Variants in PSAP observed in about 807,000 individuals in gnomAD.
PSAP encodes precursor of saposins.
A neutral mutation model predicts 66.0 loss-of-function variants in PSAP; 25 were observed. The ratio of observed to expected loss-of-function variants is 0.38; its 90% CI spans 0.28 to 0.53. PSAP has a LOEUF of 0.53. PSAP is among the 20% of genes least tolerant of loss of function. The pLI, the probability that PSAP is intolerant of heterozygous loss-of-function variation, is 0.83. For synonymous variants in PSAP, 273 were observed against 258.9 expected, an observed-to-expected ratio of 1.05 and a Z score of -0.52; for missense variants, 649 against 668.8, an observed-to-expected ratio of 0.97 and a Z score of 0.33.
At chr10:71,832,430 C>T (rs1564821577) in intron 2 of PSAP, among the ~76,000 whole-genome samples, 2 of 152,188 alleles carry the variant, frequency 1.3e-5, no homozygotes, top group Admixed American at 6.5e-5. Flanking sequence ...GACCAGAGGC[C>T]ATGGAAATTC....
chr10:71,834,383 T>G lies in PSAP; in HGVS notation c.163A>C (p.Lys55Gln). The G allele has an allele frequency of 6.2e-7, 1 of 1,613,862 alleles. No homozygotes were observed. Among genetic ancestry groups the G allele is most frequent in the Non-Finnish European group, 8.5e-7 (1 of 1,180,026 alleles). The change falls in exon 2 of 14, where the codon AAG becomes CAG. Residue 55 changes from lysine to glutamine, a missense_variant. Coordinates refer to ENST00000394936, the MANE Select transcript of PSAP (RefSeq NM_002778.4). ...GCAGCGGCACTCACCACTGTTGGCT[T>G]GTTCCAAACGGTCTGCAGGCAGTGC... ...VKHCLQTVWNKPTVKSLPCDI... is the reference protein window; with the variant it reads ...VKHCLQTVWNQPTVKSLPCDI...
At chr10:71,819,259 C>T (rs918794147) in intron 11 of PSAP, 148 bp from the exon 12 acceptor site, 15 of 1,012,204 alleles carry the variant, frequency 1.5e-5, no homozygotes, top group Middle Eastern at 2.1e-4. Flanking sequence ...CCTTTCCAGA[C>T]ACCCTATCTA....
chr10:71,816,890 C>T lies in PSAP; in HGVS notation c.*551G>A, dbSNP rs1842176364. On this transcript the variant is annotated 3_prime_UTR_variant, in exon 14 of 14. Transcript: ENST00000394936. The stretch of plus-strand genomic sequence containing the variant: ...AGCCACCAGCAGCTGCTTCCAAAAT[C>T]CCTATGCTATTACAGTGGGAATTAC... 2 of 196,638 alleles carry T rather than the reference C, an allele frequency of 1.0e-5. No homozygotes were observed. Among genetic ancestry groups the T allele is most frequent in the South Asian group, 8.5e-5 (1 of 11,738 alleles). The allele number at this position is 196,638 out of a possible 1,614,324, so 12.2% of individuals were successfully genotyped here.
intron 1 of PSAP, among the ~76,000 whole-genome samples, chr10:71,835,601 A>G (rs1011634249): frequency 2.0e-5 from 3 of 152,130 alleles, no homozygotes; most frequent in African/African-American, 7.2e-5. Context: ...GAGAGTGCCT[A>G]TGTTTCTTAA....
intron 7 of PSAP, among the ~76,000 whole-genome samples, chr10:71,824,453 C>T (rs1475459460): frequency 6.6e-6 from 1 of 152,212 alleles, no homozygotes; most frequent in Non-Finnish European, 1.5e-5. Flanking sequence ...TCAGCAGTTC[C>T]AGCTTTAGTT....
chr10:71,828,991 C>T lies in PSAP; in HGVS notation c.462G>A (p.Leu154=), dbSNP rs2133044866. ...CCAGCTCTGGGATCTTATTGGACTC[C>T]AGCTGCTTCTGGTGATTCAGCTCTG... The part of the protein sequence containing the change: ...HLAELNHQKQ[L]ESNKIPELDM... The change falls in exon 5 of 14, where the codon CTG becomes CTA. Residue 154 remains leucine, a synonymous_variant. Transcript: ENST00000394936. 2 of 1,614,132 alleles carry T rather than the reference C, an allele frequency of 1.2e-6. No individual in the cohort carries two copies. Among genetic ancestry groups the T allele is most frequent in the Non-Finnish European group, 1.7e-6 (2 of 1,180,022 alleles).
Position 71,832,762 on chromosome 10 carries a change from G to A in PSAP, c.175-842C>T, listed in dbSNP as rs535856509. 2.6e-5 allele frequency among the ~76,000 whole-genome samples: 4 copies of A among 151,770 alleles called. 1 individual carries two copies. Among genetic ancestry groups the A allele is most frequent in the South Asian group, 2.1e-4 (1 of 4,814 alleles). On this transcript the variant is annotated intron_variant, in intron 2 of 13. Transcript: ENST00000394936. ...ATATCAAGAGAGGGCCGGGCCGGGCGTGGTGGCTCACTTGGGAGGCCGAGG... is the reference window on the plus strand; with the variant it reads ...ATATCAAGAGAGGGCCGGGCCGGGCATGGTGGCTCACTTGGGAGGCCGAGG...
intron 6 of PSAP, 72 bp from the exon 7 acceptor site, chr10:71,825,965 C>T (rs1842393503): frequency 1.5e-6 from 2 of 1,308,968 alleles, no homozygotes; most frequent in East Asian, 4.7e-5. Context: ...ACAAAAACCC[C>T]CCAGCATTTC....
chr10:71,821,978 C>A lies in PSAP; in HGVS notation c.807G>T (p.Gly269=). 1 of 1,614,186 alleles carries A rather than the reference C, an allele frequency of 6.2e-7. No individual in the cohort carries two copies. The highest frequency in any genetic ancestry group is 8.5e-7 in the Non-Finnish European group (1 of 1,180,030). The change falls in exon 8 of 14, where the codon GGG becomes GGT. Residue 269 remains glycine, a synonymous_variant. Coordinates refer to ENST00000394936, the MANE Select transcript of PSAP (RefSeq NM_002778.4). ...GCATCTCTTTCACCTCATCACAGAA[C>A]CCAACCAGCGCACAGATCTCCTTGG... ...MQPKEICALV[G]FCDEVKEMPM...
chr10:71,831,057 A>G lies in PSAP; in HGVS notation c.375+69T>C, dbSNP rs905580953. 3 of 1,599,618 alleles carry G rather than the reference A, an allele frequency of 1.9e-6. No homozygotes were observed. The East Asian group carries it at 6.7e-5, about 36-fold the overall frequency. ...ACAGACTTTCCATTTTAATCAATCT[A>G]CTCTGGGCCACTGCCTCTCCTGGGC... On this transcript the variant is annotated intron_variant, in intron 4 of 13. Transcript: ENST00000394936.
intron 2 of PSAP, 123 bp downstream of exon 2, chr10:71,834,249 C>T: frequency 6.1e-6 from 9 of 1,482,594 alleles, no homozygotes; most frequent in Non-Finnish European, 8.3e-6. Context: ...CACAGAGTCA[C>T]AGTGAGAAGT....
In PSAP at chr10:71,821,870, A is replaced by G. The variant is rs774402942; in HGVS notation, c.909+6T>C. ...CCTGACCAGGACACAAAGTGACACC[A>G]GGTACCTTAATGGGCTCCACCAGTT... On this transcript the variant is annotated splice_donor_region_variant and intron_variant, in intron 8 of 13. Coordinates refer to ENST00000394936, the MANE Select transcript of PSAP (RefSeq NM_002778.4). 1 of 1,614,166 alleles carries G rather than the reference A, an allele frequency of 6.2e-7. No individual in the cohort carries two copies. The highest frequency in any genetic ancestry group is 2.2e-5 in the East Asian group (1 of 44,882).
intron 1 of PSAP, among the ~76,000 whole-genome samples, chr10:71,838,298 G>C (rs1842665814): frequency 6.6e-6 from 1 of 152,252 alleles, no homozygotes; most frequent in Admixed American, 6.5e-5. Context: ...AGGGCCAATA[G>C]CACCAGGAGA....
intron 1 of PSAP, among the ~76,000 whole-genome samples, chr10:71,847,583 C>T (rs984233122): frequency 3.3e-5 from 5 of 151,674 alleles, no homozygotes; most frequent in Non-Finnish European, 7.4e-5. Context: ...TTTCGGATGC[C>T]TCTCTCTCAC....
intron 9 of PSAP, 104 bp from the exon 10 acceptor site, chr10:71,820,004 G>A: frequency 1.8e-6 from 2 of 1,098,756 alleles, no homozygotes; most frequent in South Asian, 1.3e-5. Flanking sequence ...AATGGTGGGT[G>A]CCGTTTCCAC....
rs756379007 is a variant in PSAP, at chr10:71,828,983, T to C, written c.470A>G (p.Asn157Ser). 6.2e-6 allele frequency: 10 copies of C among 1,614,120 alleles called. No homozygotes were observed. The highest frequency in any genetic ancestry group is 2.2e-5 in the East Asian group (1 of 44,870). ...AGTCATGTCCAGCTCTGGGATCTTA[T>C]TGGACTCCAGCTGCTTCTGGTGATT... ...ELNHQKQLES[N>S]KIPELDMTEV... Residue 157 changes from asparagine (N) to serine (S), a missense_variant, in exon 5 of 14, where the codon AAT becomes AGT. Coordinates refer to ENST00000394936, the MANE Select transcript of PSAP (RefSeq NM_002778.4).
At position 71,818,746 on chromosome 10, in the gene PSAP, G is replaced by A. The variant is rs885828; in HGVS notation, c.1432-22C>T. The A allele has an allele frequency of 0.31, 490,122 of 1,591,066 alleles. 80,519 individuals carry two copies. The highest frequency in any genetic ancestry group is 0.66 in the East Asian group (29,501 of 44,760). On this transcript the variant is annotated intron_variant, in intron 12 of 13. Coordinates refer to ENST00000394936, the MANE Select transcript of PSAP (RefSeq NM_002778.4). The stretch of plus-strand genomic sequence containing the variant: ...TTTTCTATATGGTGAGAAAAGGAAA[G>A]AAGAAAGGGGGAGAATGAGAGCTGC...
At chr10:71,851,096 G>A (rs1302058856) in intron 1 of PSAP, 86 bp downstream of exon 1, 19 of 1,469,276 alleles carry the variant, frequency 1.3e-5, no homozygotes, top group Non-Finnish European at 1.8e-5. Flanking sequence ...AGGGGGAGCA[G>A]AGGGGCCAGG....
chr10:71,833,294 A>G (rs1318883702), intron 2 of PSAP, among the ~76,000 whole-genome samples: 1 of 152,088 alleles, frequency 6.6e-6, no homozygotes, highest in Admixed American at 6.6e-5. Flanking sequence ...CACTATCTCT[A>G]CAAAAAATAC....
Sources: gnomAD v4.1 joint callset for allele counts (sites outside exome capture counted in the v4.1 genomes callset) on GRCh38, gnomAD v4.1.1 for gene constraint, MANE v1.5 for transcripts, NCBI Gene and HGNC (gene_info 2026-07-23, HGNC 2026-07-21) for gene names.